The following NOP9 variants were observed in gnomAD, a reference collection of about 807,000 sequenced individuals.
NOP9 encodes NOP9 nucleolar protein, also known as nucleolar protein 9.
Under a neutral mutation model 63.0 loss-of-function variants are expected in NOP9, and 50 were observed. That is an observed-to-expected ratio of 0.79 (90% CI 0.63 to 1.00). NOP9 has a LOEUF of 1.00. Ranked by LOEUF, NOP9 falls within the 50% of genes least tolerant of loss-of-function variation. The probability of loss-of-function intolerance (pLI) is 0.00; values close to 1 mark genes in which losing one functional copy is unlikely to be tolerated. For synonymous variants in NOP9, 343 were observed against 332.8 expected (o/e 1.03, Z -0.33); for missense variants, 758 against 803.0 (o/e 0.94, Z 0.68).
At chr14:24,293,918 A>G in the NOP9 span, 1 of 152,284 alleles carries the variant, frequency 6.6e-6, no homozygotes, top group Non-Finnish European at 1.5e-5. Flanking sequence ...TCAATGAAAC[A>G]AAACAGAGAA....
Position 24,307,748 on chromosome 14 carries a change from C to T in NOP9, c.*2653C>T. On this transcript the variant is annotated 3_prime_UTR_variant, in exon 10 of 10. Coordinates refer to ENST00000267425, the MANE Select transcript of NOP9 (RefSeq NM_174913.3). ...GGGGTACTGGTTAGTCTCCTAGGGGCTGAGTGGAGTATTGTTGCCCTGCCT... is the reference window on the plus strand; with the variant it reads ...GGGGTACTGGTTAGTCTCCTAGGGGTTGAGTGGAGTATTGTTGCCCTGCCT... The T allele has an allele frequency of 6.7e-7, 1 of 1,482,704 alleles. No homozygotes were observed. The highest frequency in any genetic ancestry group is 2.4e-5 in the East Asian group (1 of 41,286). The allele number at this position is 1,482,704 out of a possible 1,614,324, so 91.8% of individuals were successfully genotyped here.
In NOP9 at chr14:24,304,277, G is replaced by A; in HGVS notation, c.1647G>A (p.Lys549=). 6.2e-7 allele frequency: 1 copy of A among 1,612,704 alleles called. No individual in the cohort carries two copies. The highest frequency in any genetic ancestry group is 1.3e-5 in the African/African-American group (1 of 75,018). The stretch of plus-strand genomic sequence containing the variant: ...GCCGCCGTGTGCTGCAGAACCTAAA[G>A]GTTAGATTTCTGGCTTTTGCCTTGA... ...KLRRRVLQNL[K]GQYVALACSR... The change falls in exon 8 of 10, where the codon AAG becomes AAA. Residue 549 remains lysine, a splice_region_variant and synonymous_variant. Transcript: ENST00000267425.
the NOP9 span, among the ~76,000 whole-genome samples, chr14:24,294,820 G>A: frequency 6.6e-6 from 1 of 152,190 alleles, no homozygotes; most frequent in African/African-American, 2.4e-5. Context: ...AGTGGAAGAA[G>A]TATGAATTAA....
chr14:24,287,248 C>T, the NOP9 span, among the ~76,000 whole-genome samples: 175 of 152,304 alleles, frequency 1.1e-3, no homozygotes, highest in East Asian at 0.028. Context: ...CTGCCTTTGG[C>T]CTCCTGGACT....
Position 24,306,206 on chromosome 14 carries a change from T to G in NOP9, c.*1111T>G. On this transcript the variant is annotated 3_prime_UTR_variant, in exon 10 of 10. Transcript: ENST00000267425. The stretch of plus-strand genomic sequence containing the variant: ...ACCCACCACTAATCTCCATCAGCAC[T>G]GGGTCAGACCCTCCCTCGCTTGGAC... The G allele has an allele frequency of 6.4e-7, 1 of 1,554,236 alleles. No individual in the cohort carries two copies. Among genetic ancestry groups the G allele is most frequent in the South Asian group, 1.2e-5 (1 of 85,898 alleles).
At chr14:24,291,786 A>C in the NOP9 span, 2 of 711,760 alleles carry the variant, frequency 2.8e-6, no homozygotes, top group South Asian at 3.3e-5. Context: ...CAGGTGCCAG[A>C]GCCACTCCTC....
At chr14:24,272,267 A>C in the NOP9 span, among the ~76,000 whole-genome samples, 2 of 152,254 alleles carry the variant, frequency 1.3e-5, no homozygotes, top group Admixed American at 1.3e-4. Context: ...TTGCAAGCTT[A>C]AATAACAATA....
chr14:24,291,548 A>C, the NOP9 span: 6 of 1,614,106 alleles, frequency 3.7e-6, no homozygotes, highest in Non-Finnish European at 3.4e-6. Flanking sequence ...GCTGCCCCCA[A>C]ACTTCACCTG....
chr14:24,299,872 T>C lies in NOP9; in HGVS notation c.-83T>C. The C allele has an allele frequency of 2.1e-6, 3 of 1,460,520 alleles. No individual in the cohort carries two copies. The highest frequency in any genetic ancestry group is 1.4e-5 in the South Asian group (1 of 69,272). The allele number at this position is 1,460,520 out of a possible 1,614,324, so 90.5% of individuals were successfully genotyped here. A position where few individuals can be genotyped will look rare whatever the true frequency, so the allele number is the denominator to read the frequency against. ...CGCGCCCGCGTTTCTAAACTTTGTC[T>C]GGATAAGGCGCACGCTTGGCGACGT... On this transcript the variant is annotated 5_prime_UTR_variant, in exon 1 of 10. Transcript: ENST00000267425.
In NOP9 at chr14:24,309,084, A is replaced by G. The variant is rs2041609347; in HGVS notation, c.*3989A>G. On this transcript the variant is annotated 3_prime_UTR_variant, in exon 10 of 10. Coordinates refer to ENST00000267425, the MANE Select transcript of NOP9 (RefSeq NM_174913.3). ...CTGTTGTGAGGATACGCTGTAGCCC[A>G]CTCATTAAGTACATTCTCCTAATAA... is the stretch of plus-strand genomic sequence containing the variant. 6.6e-6 allele frequency: 1 copy of G among 152,228 alleles called. No individual in the cohort carries two copies. The highest frequency in any genetic ancestry group is 1.5e-5 in the Non-Finnish European group (1 of 68,054). The allele number at this position is 152,228 out of a possible 1,614,324, so 9.4% of individuals were successfully genotyped here. A position where few individuals can be genotyped will look rare whatever the true frequency, so the allele number is the denominator to read the frequency against.
Position 24,300,099 on chromosome 14 carries a change from C to A in NOP9, c.145C>A (p.Pro49Thr), listed in dbSNP as rs1427006302. 1 of 1,613,248 alleles carries A rather than the reference C, an allele frequency of 6.2e-7. No individual in the cohort carries two copies. Among genetic ancestry groups the A allele is most frequent in the Non-Finnish European group, 8.5e-7 (1 of 1,179,864 alleles). The change falls in exon 1 of 10, where the codon CCG becomes ACG. Residue 49 changes from proline to threonine, a missense_variant. Pro to Thr is a conservative substitution (Grantham distance 38). Transcript: ENST00000267425. ...GCCGCCTCCGGATGGGCGCTCGGAG[C>A]CGGCTCCAGATTCGCACCCGCACCT... ...PWPPPDGRSE[P>T]APDSHPHLSP... is the part of the protein sequence containing the mutation.
At chr14:24,271,271 T>C in the NOP9 span, 1 of 970,752 alleles carries the variant, frequency 1.0e-6, no homozygotes, top group Admixed American at 3.0e-5. Flanking sequence ...CCCCAGAGTG[T>C]AAAGAGGTCC....
At chr14:24,303,921 G>A (rs1271591402) in intron 7 of NOP9, 64 bp downstream of exon 7, 2 of 1,601,704 alleles carry the variant, frequency 1.2e-6, no homozygotes, top group African/African-American at 1.3e-5. Flanking sequence ...GGTTTAGCAA[G>A]CGTCTGACTT....
upstream of NOP9, chr14:24,299,379 C>T (rs1217997768): frequency 5.6e-6 from 2 of 354,976 alleles, no homozygotes; most frequent in African/African-American, 2.1e-5. Context: ...ACTACTACAA[C>T]CCTCTGAGTG....
chr14:24,281,806 C>T, the NOP9 span, among the ~76,000 whole-genome samples: 4 of 152,136 alleles, frequency 2.6e-5, no homozygotes, highest in African/African-American at 9.7e-5. Context: ...AAGAGTAAGG[C>T]TCAATGTGGC....
the NOP9 span, among the ~76,000 whole-genome samples, chr14:24,279,643 G>T: frequency 6.6e-6 from 1 of 152,218 alleles, no homozygotes; most frequent in African/African-American, 2.4e-5. Context: ...AAAACTTCTT[G>T]AGCCAGCCAG....
At chr14:24,303,314 G>A (rs1160351809) in intron 6 of NOP9, 100 bp downstream of exon 6, 1 of 1,455,952 alleles carries the variant, frequency 6.9e-7, no homozygotes, top group African/African-American at 1.4e-5. Flanking sequence ...GACTCAGGAA[G>A]TCTAATGCCC....
the NOP9 span, among the ~76,000 whole-genome samples, chr14:24,277,833 G>A: frequency 6.6e-6 from 1 of 152,180 alleles, no homozygotes; most frequent in Non-Finnish European, 1.5e-5. Flanking sequence ...GCCTTGTGGG[G>A]AAGCGGGGCC....
At chr14:24,296,364 A>G, upstream of NOP9, 1 of 766,214 alleles carries the variant, frequency 1.3e-6, no homozygotes, top group Non-Finnish European at 2.2e-6. Context: ...ACTTCTCCAG[A>G]GGTAAGTGGG....
Sources: allele counts gnomAD v4.1 joint callset (sites outside exome capture counted in the v4.1 genomes callset), GRCh38; gene constraint gnomAD v4.1.1; transcripts MANE v1.5; gene names NCBI Gene and HGNC (gene_info 2026-07-23, HGNC 2026-07-21).